The following AGFG1 variants were observed in gnomAD, a reference collection of about 807,000 sequenced individuals.
The protein encoded by AGFG1 is ArfGAP with FG repeats 1, also known as arf-GAP domain and FG repeat-containing protein 1.
A neutral mutation model predicts 60.6 loss-of-function variants in AGFG1; 10 were observed. That is an observed-to-expected ratio of 0.16 (90% CI 0.10 to 0.28). The LOEUF is 0.28. AGFG1 is among the 10% of genes least tolerant of loss of function. The probability of loss-of-function intolerance (pLI) is 1.00; values close to 1 mark genes in which losing one functional copy is unlikely to be tolerated. For missense variants in AGFG1, 537 were observed against 676.5 expected (o/e 0.79, Z 2.29); for synonymous variants, 247 against 242.9 (o/e 1.02, Z -0.16).
chr2:227,547,963 A>G (rs1488530763), intron 10 of AGFG1, among the ~76,000 whole-genome samples: 1 of 152,212 alleles, frequency 6.6e-6, no homozygotes, highest in African/African-American at 2.4e-5. Context: ...AACTGATGAA[A>G]CCAAATGTCG....
intron 2 of AGFG1, among the ~76,000 whole-genome samples, chr2:227,494,357 A>G (rs1690913096): frequency 6.6e-6 from 1 of 152,216 alleles, no homozygotes; most frequent in African/African-American, 2.4e-5. Flanking sequence ...AAGTTGCCAT[A>G]TTCTCTCGTC....
intron 2 of AGFG1, among the ~76,000 whole-genome samples, chr2:227,518,748 A>C (rs1267302735): frequency 6.6e-6 from 1 of 150,888 alleles, no homozygotes; most frequent in Non-Finnish European, 1.5e-5. Context: ...CTAGTCCCGA[A>C]CTCCTGACCT....
At chr2:227,520,099 C>T (rs771853645) in intron 3 of AGFG1, 36 bp downstream of exon 3, 1 of 1,269,696 alleles carries the variant, frequency 7.9e-7, no homozygotes, top group East Asian at 2.5e-5. Context: ...TAAAGCCTCC[C>T]CAAATCACAT....
chr2:227,517,696 C>G (rs71431054), intron 2 of AGFG1, among the ~76,000 whole-genome samples: 10,963 of 152,270 alleles, frequency 0.072, 525 homozygotes, highest in Admixed American at 0.11. Context: ...GAGAAGTACG[C>G]TTTTCCTTCC....
At chr2:227,500,462 A>G (rs535603800) in intron 2 of AGFG1, among the ~76,000 whole-genome samples, 2 of 152,256 alleles carry the variant, frequency 1.3e-5, no homozygotes. Context: ...TGGTTTGGCT[A>G]TCTGCTACAT....
In AGFG1 at chr2:227,472,817, T is replaced by C. The variant is rs1274805553; in HGVS notation, c.167+229T>C. Among the ~76,000 whole-genome samples the C allele has an allele frequency of 1.5e-4, 23 of 150,750 alleles. No homozygotes were observed. In the East Asian group the frequency reaches 4.1e-3, roughly 27 times the overall value. On this transcript the variant is annotated intron_variant, in intron 1 of 12. Transcript: ENST00000310078. ...CGTTTTCGGTTTTGCCGGGCGAGGG[T>C]TTACGTTCTGGGCAGCCTTCGTGGG...
At position 227,524,830 on chromosome 2, in the gene AGFG1, C is replaced by G; in HGVS notation, c.609C>G (p.Leu203=). The G allele has an allele frequency of 6.2e-7, 1 of 1,614,138 alleles. No individual in the cohort carries two copies. The highest frequency in any genetic ancestry group is 8.5e-7 in the Non-Finnish European group (1 of 1,179,994). Reference sequence around the variant, plus strand: ...AGCAATTTGACCTTTTAAGTGATCTCGGCTCAGACATCTTTGCTGCTCCAG... The same window carrying G: ...AGCAATTTGACCTTTTAAGTGATCTGGGCTCAGACATCTTTGCTGCTCCAG... ...EKKQFDLLSD[L]GSDIFAAPAP... is the part of the protein sequence containing the mutation. The change falls in exon 5 of 13, where the codon CTC becomes CTG. Residue 203 remains leucine, a synonymous_variant. Coordinates refer to ENST00000310078, the MANE Select transcript of AGFG1 (RefSeq NM_004504.5).
chr2:227,551,855 C>T (rs1465379377), intron 10 of AGFG1, 104 bp from the exon 11 acceptor site: 14 of 1,380,508 alleles, frequency 1.0e-5, no homozygotes, highest in Non-Finnish European at 1.4e-5. Flanking sequence ...TAATGTACAT[C>T]TTAGTATTTT....
intron 12 of AGFG1, 31 bp from the exon 13 acceptor site, chr2:227,554,405 C>A: frequency 1.3e-6 from 2 of 1,585,578 alleles, no homozygotes; most frequent in South Asian, 1.1e-5. Flanking sequence ...ACTTTTGTCT[C>A]TTTATTTATT....
intron 2 of AGFG1, among the ~76,000 whole-genome samples, chr2:227,518,580 A>G (rs988247275): frequency 6.8e-6 from 1 of 146,698 alleles, no homozygotes; most frequent in Non-Finnish European, 1.5e-5. Flanking sequence ...CTGGAGTGCA[A>G]TGACATGATC....
intron 2 of AGFG1, among the ~76,000 whole-genome samples, chr2:227,502,620 C>A (rs190588005): frequency 1.3e-5 from 2 of 152,206 alleles, no homozygotes; most frequent in East Asian, 3.9e-4. Flanking sequence ...CATGCCTGGC[C>A]CTCATTTATT....
intron 1 of AGFG1, among the ~76,000 whole-genome samples, chr2:227,488,332 G>A (rs2106164911): frequency 6.6e-6 from 1 of 152,312 alleles, no homozygotes; most frequent in Admixed American, 6.5e-5. Context: ...ACATATGTGT[G>A]ACGTAACTTA....
chr2:227,553,920 A>G, intron 12 of AGFG1, 125 bp downstream of exon 12: 1 of 661,752 alleles, frequency 1.5e-6, no homozygotes. Context: ...ACATCATAAG[A>G]TTGTACAAAT....
intron 1 of AGFG1, 102 bp downstream of exon 1, chr2:227,472,690 C>T: frequency 2.3e-6 from 3 of 1,288,788 alleles, no homozygotes; most frequent in Non-Finnish European, 3.0e-6. Flanking sequence ...AGCCGGGTGC[C>T]GTGGGAGGCG....
chr2:227,531,835 G>A (rs1692170037), intron 6 of AGFG1, among the ~76,000 whole-genome samples: 2 of 152,064 alleles, frequency 1.3e-5, no homozygotes, highest in Admixed American at 1.3e-4. Flanking sequence ...AAAAATGTAA[G>A]TAATTTTCGG....
chr2:227,476,103 A>G (rs1198867151), intron 1 of AGFG1, among the ~76,000 whole-genome samples: 1 of 152,098 alleles, frequency 6.6e-6, no homozygotes, highest in Non-Finnish European at 1.5e-5. Context: ...TGCTTGAATG[A>G]TGTTCATTCA....
intron 10 of AGFG1, among the ~76,000 whole-genome samples, chr2:227,539,939 G>A (rs571780856): frequency 1.8e-4 from 28 of 152,080 alleles, no homozygotes; most frequent in Middle Eastern, 3.4e-3. Context: ...GGATTCAAGC[G>A]ATTCTCATGA....
At chr2:227,515,517 T>A (rs965517862) in intron 2 of AGFG1, among the ~76,000 whole-genome samples, 2 of 152,162 alleles carry the variant, frequency 1.3e-5, no homozygotes, top group Non-Finnish European at 2.9e-5. Context: ...ATCCCTTTGT[T>A]ATCCGTCTTC....
At chr2:227,475,946 A>G (rs1690269465) in intron 1 of AGFG1, among the ~76,000 whole-genome samples, 1 of 152,230 alleles carries the variant, frequency 6.6e-6, no homozygotes, top group Admixed American at 6.5e-5. Context: ...ACTATCATGA[A>G]TTCTAAATTT....
Sources: gnomAD v4.1 joint callset for allele counts (sites outside exome capture counted in the v4.1 genomes callset) on GRCh38, gnomAD v4.1.1 for gene constraint, MANE v1.5 for transcripts, NCBI Gene and HGNC (gene_info 2026-07-23, HGNC 2026-07-21) for gene names.